PDE5A: variants seen among roughly 807,000 people sequenced by gnomAD.
PDE5A encodes phosphodiesterase 5A.
Under a neutral mutation model 110.2 loss-of-function variants are expected in PDE5A, and 67 were observed. The observed-to-expected ratio is 0.61, with a 90% CI of 0.50 to 0.75. The LOEUF (loss-of-function observed/expected upper bound fraction) is 0.75, where lower values mean the gene tolerates loss of function less well. Ranked by LOEUF, PDE5A falls within the 30% of genes least tolerant of loss-of-function variation. The pLI, the probability that PDE5A is intolerant of heterozygous loss-of-function variation, is 0.00. For synonymous variants in PDE5A, 328 were observed against 351.2 expected (o/e 0.93, Z 0.74); for missense variants, 862 against 1,045.1 (o/e 0.82, Z 2.42).
intron 11 of PDE5A, among the ~76,000 whole-genome samples, chr4:119,534,262 C>T (rs559808609): frequency 9.9e-5 from 15 of 152,194 alleles, no homozygotes; most frequent in Admixed American, 3.3e-4. Flanking sequence ...GACTGGTACC[C>T]GACCGTGGCT....
intron 3 of PDE5A, among the ~76,000 whole-genome samples, chr4:119,585,781 G>A (rs541955039): frequency 6.6e-6 from 1 of 152,270 alleles, no homozygotes; most frequent in South Asian, 2.1e-4. Flanking sequence ...CGGGAAAGTC[G>A]TAGTGATGGA....
rs1316151782 is a variant in PDE5A at position 119,589,107 on chromosome 4, A to C, written c.831+7416T>G. Reference sequence around the variant, plus strand: ...GATATAATCTCTAGTTCATATCAGTAAGAAATTTTCAGAGAAAATTCTTGA... The same window carrying C: ...GATATAATCTCTAGTTCATATCAGTCAGAAATTTTCAGAGAAAATTCTTGA... On this transcript the variant is annotated intron_variant, in intron 3 of 20. Coordinates refer to ENST00000354960, the MANE Select transcript of PDE5A (RefSeq NM_001083.4). Among the ~76,000 whole-genome samples the C allele has an allele frequency of 9.9e-5, 15 of 152,226 alleles. 1 individual carries two copies. The highest frequency in any genetic ancestry group is 9.8e-4 in the Admixed American group (15 of 15,290).
chr4:119,502,839 T>C (rs1302321791), intron 18 of PDE5A, among the ~76,000 whole-genome samples, 184 bp from the exon 19 acceptor site: 1 of 152,210 alleles, frequency 6.6e-6, no homozygotes, highest in Non-Finnish European at 1.5e-5. Context: ...TACATTATAC[T>C]CTTTTTCACT....
intron 3 of PDE5A, among the ~76,000 whole-genome samples, chr4:119,585,739 A>G (rs1471167953): frequency 6.6e-6 from 1 of 152,156 alleles, no homozygotes; most frequent in Non-Finnish European, 1.5e-5. Context: ...CGGGTGTAGA[A>G]CCTAAAGCCT....
intron 1 of PDE5A, among the ~76,000 whole-genome samples, chr4:119,625,652 G>T (rs1046756942): frequency 2.0e-5 from 3 of 151,820 alleles, no homozygotes; most frequent in Admixed American, 1.3e-4. Context: ...TGGGTTTCCT[G>T]AATCACATAC....
chr4:119,593,102 G>A (rs949060613), intron 3 of PDE5A, among the ~76,000 whole-genome samples: 1 of 152,214 alleles, frequency 6.6e-6, no homozygotes, highest in Non-Finnish European at 1.5e-5. Context: ...TGTGATGTAA[G>A]GGGAACTCTC....
intron 3 of PDE5A, among the ~76,000 whole-genome samples, chr4:119,573,971 T>C (rs895059776): frequency 4.6e-5 from 7 of 152,294 alleles, no homozygotes; most frequent in East Asian, 1.9e-4. Flanking sequence ...ACAGGCACTT[T>C]GTAACTGTTC....
chr4:119,522,550 C>CAGAT (rs1213742855), intron 12 of PDE5A, among the ~76,000 whole-genome samples: 1 of 151,870 alleles, frequency 6.6e-6, no homozygotes, highest in African/African-American at 2.4e-5. Context: ...CATAAATGTA[C>CAGAT]AGATATAATT....
At chr4:119,574,925 C>G (rs912370314) in intron 3 of PDE5A, among the ~76,000 whole-genome samples, 3 of 152,126 alleles carry the variant, frequency 2.0e-5, no homozygotes, top group African/African-American at 7.2e-5. Context: ...TTTCAAAACT[C>G]ATCAAATTGT....
At chr4:119,551,650 C>T (rs778570045) in intron 9 of PDE5A, among the ~76,000 whole-genome samples, 1 of 152,124 alleles carries the variant, frequency 6.6e-6, no homozygotes, top group Non-Finnish European at 1.5e-5. Flanking sequence ...TACTCTTGCA[C>T]AGAACTTGGA....
intron 3 of PDE5A, among the ~76,000 whole-genome samples, chr4:119,596,048 A>G (rs1194136825): frequency 6.6e-6 from 1 of 152,218 alleles, no homozygotes; most frequent in Admixed American, 6.5e-5. Flanking sequence ...ATAAACTAAC[A>G]TATTTTCATT....
chr4:119,596,428 A>C, intron 3 of PDE5A, 95 bp downstream of exon 3: 2 of 558,616 alleles, frequency 3.6e-6, no homozygotes, highest in Non-Finnish European at 6.0e-6. Flanking sequence ...TTGTCACTAA[A>C]GCATTATTTC....
intron 1 of PDE5A, among the ~76,000 whole-genome samples, chr4:119,615,522 A>T (rs1729906320): frequency 6.6e-6 from 1 of 151,844 alleles, no homozygotes; most frequent in Admixed American, 6.6e-5. Context: ...CTGGGTTGGG[A>T]TATAGGCCAG....
At chr4:119,577,507 C>T (rs1209612906) in intron 3 of PDE5A, among the ~76,000 whole-genome samples, 4 of 152,216 alleles carry the variant, frequency 2.6e-5, no homozygotes, top group African/African-American at 9.6e-5. Context: ...TGGGCTTCAT[C>T]CCTGGGATGC....
chr4:119,628,041 G>T, intron 1 of PDE5A: 1 of 985,924 alleles, frequency 1.0e-6, no homozygotes, highest in East Asian at 1.1e-4. Context: ...CCGTGGACTC[G>T]TCCCTCACCC....
Position 119,552,610 on chromosome 4 carries a change from G to T in PDE5A, c.1336C>A (p.Gln446Lys). ...TTENTGNVNQ[Q>K]CIRSLLCTPI... ...GTACAAAGCAAACTTCTAATGCACT[G>T]CTGGTTTACATTTCCTGTATTTTCA... Residue 446 changes from glutamine to lysine, a missense_variant, in exon 9 of 21, where the codon CAG (glutamine) becomes AAG (lysine). Physicochemically the swap from Gln to Lys is moderately conservative, Grantham distance 53. Transcript: ENST00000354960. 2 of 1,542,312 alleles carry T rather than the reference G, an allele frequency of 1.3e-6. No individual in the cohort carries two copies. The highest frequency in any genetic ancestry group is 1.7e-6 in the Non-Finnish European group (2 of 1,144,136).
At chr4:119,552,750 A>G in intron 8 of PDE5A, 113 bp from the exon 9 acceptor site, 1 of 516,268 alleles carries the variant, frequency 1.9e-6, no homozygotes, top group South Asian at 3.4e-5. Context: ...TTCAACTTTT[A>G]TATTAGAGAG....
intron 11 of PDE5A, among the ~76,000 whole-genome samples, chr4:119,530,183 G>A (rs1189019001): frequency 6.6e-6 from 1 of 152,086 alleles, no homozygotes; most frequent in Non-Finnish European, 1.5e-5. Flanking sequence ...ACAGTGTGAT[G>A]GGCAGAAACT....
chr4:119,599,710 T>A (rs1560635022), intron 2 of PDE5A, among the ~76,000 whole-genome samples: 1 of 71,642 alleles, frequency 1.4e-5, no homozygotes, highest in Non-Finnish European at 2.8e-5. Context: ...ATCAAGTGTG[T>A]ATACACACAC....
Sources: allele counts gnomAD v4.1 joint callset (sites outside exome capture counted in the v4.1 genomes callset), GRCh38; gene constraint gnomAD v4.1.1; transcripts MANE v1.5; gene names NCBI Gene and HGNC (gene_info 2026-07-23, HGNC 2026-07-21).